The following ERBB4 variants were observed in gnomAD, a reference collection of about 807,000 sequenced individuals.
The protein encoded by ERBB4 is receptor tyrosine-protein kinase erbB-4.
A neutral mutation model predicts 158.0 loss-of-function variants in ERBB4; 42 were observed. The ratio of observed to expected loss-of-function variants is 0.27; its 90% CI spans 0.21 to 0.34. ERBB4 has a LOEUF of 0.34. Ranked by LOEUF, ERBB4 falls within the 10% of genes least tolerant of loss-of-function variation. The pLI is 1.00. For missense variants in ERBB4, 1,333 were observed against 1,624.1 expected (o/e 0.82, Z 3.08); for synonymous variants, 583 against 558.7 (o/e 1.04, Z -0.61).
rs138659774 is a variant in ERBB4 at position 211,837,312 on chromosome 2, G to A, written c.422-49153C>T. ...TTCAGACATCAATTCTAGAGGGAAA[G>A]GTTAAAAGTACTTGGGTTATTGAAC... is the stretch of plus-strand genomic sequence containing the variant. On this transcript the variant is annotated intron_variant, in intron 3 of 27. Transcript: ENST00000342788. Among the ~76,000 whole-genome samples the A allele has an allele frequency of 6.7e-4, 102 of 152,128 alleles. 1 individual carries two copies. Among genetic ancestry groups the A allele is most frequent in the African/African-American group, 2.2e-3 (93 of 41,544 alleles).
At position 211,430,971 on chromosome 2, in the gene ERBB4, T is replaced by G; in HGVS notation, c.2617A>C (p.Lys873Gln). ...TTTCCTCCATCAGCATTGTACTCTT[T>G]TTCATCTCCTTCCAAGAGTCTGGCT... ...GLARLLEGDE[K>Q]EYNADGGKMP... The change falls in exon 21 of 28, where the codon AAA becomes CAA. Residue 873 changes from lysine (K) to glutamine (Q), a missense_variant. Around this residue, in one of 5 missense-constraint regions of ERBB4, gnomAD observed 314 missense variants for 437.6 expected, o/e 0.72. Coordinates refer to ENST00000342788, the MANE Select transcript of ERBB4 (RefSeq NM_005235.3). 6.2e-7 allele frequency: 1 copy of G among 1,613,882 alleles called. No homozygotes were observed. The highest frequency in any genetic ancestry group is 8.5e-7 in the Non-Finnish European group (1 of 1,179,780).
At chr2:212,237,197 C>T (rs971753682) in intron 1 of ERBB4, among the ~76,000 whole-genome samples, 2 of 152,184 alleles carry the variant, frequency 1.3e-5, no homozygotes, top group African/African-American at 4.8e-5. Flanking sequence ...GCTAGTTTTT[C>T]CTCATCTTCG....
At chr2:212,257,835 T>A (rs1405403646) in intron 1 of ERBB4, among the ~76,000 whole-genome samples, 1 of 152,000 alleles carries the variant, frequency 6.6e-6, no homozygotes, top group African/African-American at 2.4e-5. Flanking sequence ...ATTAAATGCA[T>A]GAATATGTGG....
intron 20 of ERBB4, among the ~76,000 whole-genome samples, chr2:211,559,283 A>G (rs538990937): frequency 1.3e-5 from 2 of 152,288 alleles, no homozygotes; most frequent in East Asian, 3.9e-4. Flanking sequence ...TATCGCCTCA[A>G]TCTAACCTCC....
chr2:211,479,680 A>G (rs888844789), intron 20 of ERBB4, among the ~76,000 whole-genome samples: 11 of 152,150 alleles, frequency 7.2e-5, no homozygotes, highest in Non-Finnish European at 1.2e-4. Flanking sequence ...TTTGGTGCAA[A>G]GCTTGGTTTT....
rs139940407 is a variant in ERBB4 at position 212,027,966 on chromosome 2, C to T, written c.235-80350G>A. On this transcript the variant is annotated intron_variant, in intron 2 of 27. Coordinates refer to ENST00000342788, the MANE Select transcript of ERBB4 (RefSeq NM_005235.3). ...ACGTACAACTCATAATCATAAAAAT[C>T]TAGGAAAGCTTTGTAGTTCTTCAAA... Among the ~76,000 whole-genome samples, 400 of 152,100 alleles carry T rather than the reference C, an allele frequency of 2.6e-3. 4 individuals are homozygous for T. The highest frequency in any genetic ancestry group is 9.2e-3 in the African/African-American group (381 of 41,502).
At chr2:212,160,021 T>C (rs1026356992) in intron 1 of ERBB4, among the ~76,000 whole-genome samples, 11 of 152,032 alleles carry the variant, frequency 7.2e-5, no homozygotes, top group Admixed American at 3.3e-4. Context: ...GACAAATCCA[T>C]GGCAAGCCCA....
intron 1 of ERBB4, among the ~76,000 whole-genome samples, chr2:212,303,724 T>C (rs1445943575): frequency 6.6e-6 from 1 of 151,524 alleles, no homozygotes; most frequent in East Asian, 2.0e-4. Context: ...TTGAGTAGTT[T>C]TAAAATAAAG....
At chr2:211,579,828 G>C (rs1297290340) in intron 19 of ERBB4, among the ~76,000 whole-genome samples, 1 of 152,040 alleles carries the variant, frequency 6.6e-6, no homozygotes, top group African/African-American at 2.4e-5. Context: ...GAGAACATTA[G>C]GAAAAATAGC....
Position 212,076,812 on chromosome 2 carries a change from C to T in ERBB4, c.234+47940G>A, listed in dbSNP as rs531723900. On this transcript the variant is annotated intron_variant, in intron 2 of 27. Coordinates refer to ENST00000342788, the MANE Select transcript of ERBB4 (RefSeq NM_005235.3). ...AGATATAAGGTTAACACCACATTTT[C>T]AAAATATTCGTCCATCAAAAGACAG... Among the ~76,000 whole-genome samples, 8 of 151,718 alleles carry T rather than the reference C, an allele frequency of 5.3e-5. No homozygotes were observed. In the South Asian group the frequency reaches 1.7e-3, roughly 32 times the overall value.
intron 5 of ERBB4, among the ~76,000 whole-genome samples, chr2:211,740,771 C>T (rs1227632354): frequency 1.3e-5 from 2 of 151,706 alleles, no homozygotes; most frequent in Non-Finnish European, 2.9e-5. Context: ...CCACCACACC[C>T]GACTAATTTT....
At chr2:212,173,959 T>C (rs576813140) in intron 1 of ERBB4, among the ~76,000 whole-genome samples, 31 of 152,232 alleles carry the variant, frequency 2.0e-4, no homozygotes, top group African/African-American at 7.2e-4. Context: ...AGTTCATATA[T>C]CACAGAAGTA....
intron 2 of ERBB4, among the ~76,000 whole-genome samples, chr2:212,111,867 C>T (rs1575649144): frequency 7.5e-6 from 1 of 133,104 alleles, no homozygotes; most frequent in Non-Finnish European, 1.7e-5. Context: ...CCTTTTTTGG[C>T]ACTATACAAC....
At chr2:212,503,677 G>A (rs1691025938) in intron 1 of ERBB4, among the ~76,000 whole-genome samples, 1 of 152,142 alleles carries the variant, frequency 6.6e-6, no homozygotes, top group African/African-American at 2.4e-5. Flanking sequence ...TAACAATGCT[G>A]ACAAGTACAA....
intron 1 of ERBB4, among the ~76,000 whole-genome samples, chr2:212,466,647 T>C (rs1688850071): frequency 6.6e-6 from 1 of 152,200 alleles, no homozygotes; most frequent in Admixed American, 6.5e-5. Flanking sequence ...CCAATAAACC[T>C]CTTTCTTTTG....
chr2:212,056,737 T>C (rs1450725077), intron 2 of ERBB4, among the ~76,000 whole-genome samples: 3 of 152,182 alleles, frequency 2.0e-5, no homozygotes, highest in Non-Finnish European at 1.5e-5. Context: ...CTGAGAGATT[T>C]TGTCACCACT....
chr2:212,094,574 TA>T lies in ERBB4; in HGVS notation c.234+30177del, dbSNP rs947264579. Among the ~76,000 whole-genome samples, 73 of 147,966 alleles carry T rather than the reference TA, an allele frequency of 4.9e-4. 1 individual carries two copies. The highest frequency in any genetic ancestry group is 1.2e-3 in the African/African-American group (46 of 39,988). On this transcript the variant is annotated intron_variant, in intron 2 of 27. Transcript: ENST00000342788. ...TAAATAAAATATGAAAATAAAAAAA[TA>T]AAAAAAAAAAGAACCTGGCACCTCC...
rs1428712079 is a variant in ERBB4, at chr2:211,704,153, A to G, written c.1240T>C (p.Phe414Leu). 3 of 1,613,244 alleles carry G rather than the reference A, an allele frequency of 1.9e-6. No individual in the cohort carries two copies. The highest frequency in any genetic ancestry group is 2.2e-5 in the East Asian group (1 of 44,834). ...GTCACCAGGTTAGAAAAAACACTGAAGTCAGTCATGTTTGGTGGCCATGAC... is the reference window on the plus strand; with the variant it reads ...GTCACCAGGTTAGAAAAAACACTGAGGTCAGTCATGTTTGGTGGCCATGAC... The part of the protein sequence containing the change: ...IQSWPPNMTD[F>L]SVFSNLVTIG... Residue 414 changes from phenylalanine (F) to leucine (L), a missense_variant, in exon 11 of 28, where the codon TTC (phenylalanine) becomes CTC (leucine). This residue lies in a region of ERBB4 where 438 missense variants were observed against 586.9 expected (regional missense o/e 0.75). Transcript: ENST00000342788.
At chr2:211,629,153 A>G (rs1246296607) in intron 17 of ERBB4, among the ~76,000 whole-genome samples, 1 of 152,124 alleles carries the variant, frequency 6.6e-6, no homozygotes, top group East Asian at 1.9e-4. Context: ...ACCCAATCAT[A>G]TCAGCCCCCA....
Sources: gnomAD v4.1 joint callset for allele counts (sites outside exome capture counted in the v4.1 genomes callset) on GRCh38, gnomAD v4.1.1 for gene constraint, gnomAD v4.1.1 regional missense constraint, MANE v1.5 for transcripts, NCBI Gene and HGNC (gene_info 2026-07-23, HGNC 2026-07-21) for gene names.